ABCC1: variants seen among roughly 807,000 people sequenced by gnomAD.
ABCC1 encodes multidrug resistance-associated protein 1.
A neutral mutation model predicts 172.9 loss-of-function variants in ABCC1; 83 were observed. The observed-to-expected ratio is 0.48, with a 90% CI of 0.40 to 0.58. ABCC1 has a LOEUF of 0.58. Among genes scored for constraint, ABCC1 ranks in the 20% least tolerant of loss-of-function variants. ABCC1 has a pLI of 0.00. For missense variants in ABCC1, 1,817 were observed against 2,002.7 expected, an observed-to-expected ratio of 0.91 and a Z score of 1.77; for synonymous variants, 937 against 825.2, an observed-to-expected ratio of 1.14 and a Z score of -2.32.
chr16:15,984,198 G>T (rs542840655), intron 1 of ABCC1, among the ~76,000 whole-genome samples: 10 of 152,308 alleles, frequency 6.6e-5, no homozygotes, highest in African/African-American at 2.4e-4. Context: ...GATGCTTGCA[G>T]AAGGACATAA....
At chr16:15,950,214 C>T (rs1412494630) in intron 1 of ABCC1, among the ~76,000 whole-genome samples, 1 of 113,122 alleles carries the variant, frequency 8.8e-6, no homozygotes, top group Non-Finnish European at 2.2e-5. Flanking sequence ...CCCCTTTTCA[C>T]GAAAAATACT....
In ABCC1 at chr16:16,040,037, C is replaced by T. The variant is rs569203476; in HGVS notation, c.809+3434C>T. Among the ~76,000 whole-genome samples the T allele has an allele frequency of 7.3e-5, 11 of 151,400 alleles. No individual in the cohort carries two copies. The South Asian group carries it at 8.4e-4, about 12-fold the overall frequency. Reference sequence around the variant, plus strand: ...GGTTTTCTGCAGGGCAGTGGTGTGACGTGAGTTCTGTTGTTTGTTTGTTTG... The same window carrying T: ...GGTTTTCTGCAGGGCAGTGGTGTGATGTGAGTTCTGTTGTTTGTTTGTTTG... On this transcript the variant is annotated intron_variant, in intron 7 of 30. Coordinates refer to ENST00000399410, the MANE Select transcript of ABCC1 (RefSeq NM_004996.4).
At chr16:16,073,350 G>A (rs967614753) in intron 14 of ABCC1, among the ~76,000 whole-genome samples, 2 of 152,146 alleles carry the variant, frequency 1.3e-5, no homozygotes, top group Non-Finnish European at 2.9e-5. Flanking sequence ...GAGATTTACT[G>A]AGCACCTACT....
At position 16,086,966 on chromosome 16, in the gene ABCC1, G is replaced by T; in HGVS notation, c.2435G>T (p.Gly812Val). Residue 812 changes from glycine (G) to valine (V), a missense_variant, in exon 18 of 31, where the codon GGC becomes GTC. By Grantham distance (109) the Gly-to-Val change is moderately radical. Coordinates refer to ENST00000399410, the MANE Select transcript of ABCC1 (RefSeq NM_004996.4). ...AAACACATCTTTGAAAATGTGATTG[G>T]CCCCAAGGGGATGCTGAAGAACAAG... ...VGKHIFENVI[G>V]PKGMLKNKTR... The T allele has an allele frequency of 6.2e-7, 1 of 1,614,180 alleles. No individual in the cohort carries two copies. The highest frequency in any genetic ancestry group is 8.5e-7 in the Non-Finnish European group (1 of 1,180,036).
At chr16:16,109,908 G>A (rs1193154997) in intron 21 of ABCC1, among the ~76,000 whole-genome samples, 1 of 152,086 alleles carries the variant, frequency 6.6e-6, no homozygotes. Flanking sequence ...ATCCTGACCC[G>A]AGTCTCCCAT....
At chr16:16,087,087 T>A in intron 18 of ABCC1, 96 bp downstream of exon 18, 1 of 1,359,034 alleles carries the variant, frequency 7.4e-7, no homozygotes, top group East Asian at 2.4e-5. Flanking sequence ...TTTCTCTGGC[T>A]TTCTTTGTTT....
intron 23 of ABCC1, among the ~76,000 whole-genome samples, chr16:16,118,314 C>T (rs541571418): frequency 1.1e-4 from 17 of 151,998 alleles, no homozygotes; most frequent in South Asian, 2.1e-4. Flanking sequence ...GTGGCCCCTG[C>T]GCCCCACCAC....
At chr16:16,106,389 T>C (rs1419986384) in intron 20 of ABCC1, 1 of 161,526 alleles carries the variant, frequency 6.2e-6, no homozygotes, top group Non-Finnish European at 1.3e-5. Flanking sequence ...GCTTTTTTTT[T>C]TTTGAGATGA....
chr16:16,106,984 A>G (rs1007778902), intron 21 of ABCC1, 111 bp downstream of exon 21: 5 of 1,422,544 alleles, frequency 3.5e-6, no homozygotes, highest in African/African-American at 1.4e-5. Flanking sequence ...GTCCATCACA[A>G]CACACCTGTG....
intron 19 of ABCC1, among the ~76,000 whole-genome samples, chr16:16,102,159 T>C (rs1379702067): frequency 6.6e-6 from 1 of 152,260 alleles, no homozygotes; most frequent in Non-Finnish European, 1.5e-5. Context: ...TCTCCGGGCC[T>C]CTGCCTGTTG....
At chr16:16,018,407 G>A (rs1407021409) in intron 5 of ABCC1, among the ~76,000 whole-genome samples, 1 of 152,098 alleles carries the variant, frequency 6.6e-6, no homozygotes, top group Admixed American at 6.6e-5. Flanking sequence ...AAATTAGCCA[G>A]GCATGGTGGT....
At chr16:16,006,175 T>G (rs930810800) in intron 1 of ABCC1, among the ~76,000 whole-genome samples, 1 of 151,998 alleles carries the variant, frequency 6.6e-6, no homozygotes, top group African/African-American at 2.4e-5. Flanking sequence ...TGAATTGTGG[T>G]GGAGATAGGA....
intron 14 of ABCC1, 97 bp from the exon 15 acceptor site, chr16:16,076,229 G>A (rs368786563): frequency 4.4e-5 from 53 of 1,207,748 alleles, no homozygotes; most frequent in Admixed American, 2.3e-4. Flanking sequence ...CGTGCCAAGC[G>A]TCTGGGGTTG....
At chr16:15,975,137 G>T (rs1567281784) in intron 1 of ABCC1, among the ~76,000 whole-genome samples, 1 of 152,164 alleles carries the variant, frequency 6.6e-6, no homozygotes, top group Non-Finnish European at 1.5e-5. Context: ...GATGTTGCCT[G>T]CTGTATTTCT....
At chr16:16,090,369 T>C in intron 18 of ABCC1, 36 bp from the exon 19 acceptor site, 1 of 1,539,006 alleles carries the variant, frequency 6.5e-7, no homozygotes, top group Admixed American at 1.9e-5. Flanking sequence ...CTCACACATG[T>C]GCACTCACGT....
At chr16:15,954,008 T>C (rs1488454436) in intron 1 of ABCC1, among the ~76,000 whole-genome samples, 2 of 102,334 alleles carry the variant, frequency 2.0e-5, no homozygotes, top group East Asian at 4.5e-4. Flanking sequence ...TCCCCACCCT[T>C]TTTTTTTTTT....
intron 20 of ABCC1, 59 bp from the exon 21 acceptor site, chr16:16,106,679 C>T (rs373983334): frequency 1.1e-4 from 183 of 1,607,070 alleles, no homozygotes; most frequent in East Asian, 8.5e-4. Context: ...CAGCAGGGAG[C>T]CCTCCGACCC....
intron 1 of ABCC1, among the ~76,000 whole-genome samples, chr16:15,990,585 T>G (rs919860644): frequency 6.6e-6 from 1 of 152,194 alleles, no homozygotes; most frequent in Admixed American, 6.6e-5. Flanking sequence ...CGTCTTCCTG[T>G]GCCTGGCTTA....
intron 1 of ABCC1, among the ~76,000 whole-genome samples, chr16:15,951,617 T>C (rs1412581947): frequency 6.6e-6 from 1 of 152,150 alleles, no homozygotes; most frequent in Non-Finnish European, 1.5e-5. Context: ...AACTGGGGCC[T>C]GAGTGGGAAA....
Sources: gnomAD v4.1 joint callset for allele counts (sites outside exome capture counted in the v4.1 genomes callset) on GRCh38, gnomAD v4.1.1 for gene constraint, MANE v1.5 for transcripts, NCBI Gene and HGNC (gene_info 2026-07-23, HGNC 2026-07-21) for gene names.